Variants in PPARGC1A observed in about 807,000 individuals in gnomAD.
PPARGC1A encodes peroxisome proliferator-activated receptor gamma coactivator 1-alpha.
PPARGC1A carries 25 observed loss-of-function variants against 88.7 expected under a neutral mutation model. The observed-to-expected ratio is 0.28, with a 90% confidence interval of 0.21 to 0.39. The LOEUF (loss-of-function observed/expected upper bound fraction) is 0.39. Among genes scored for constraint, PPARGC1A ranks in the 10% least tolerant of loss-of-function variants. PPARGC1A has a pLI of 1.00. For missense variants in PPARGC1A, 880 were observed against 968.7 expected (o/e 0.91, Z 1.22); for synonymous variants, 363 against 355.6 (o/e 1.02, Z -0.24).
chr4:24,398,196 G>C, the PPARGC1A span, among the ~76,000 whole-genome samples: 2 of 152,098 alleles, frequency 1.3e-5, no homozygotes, highest in African/African-American at 4.8e-5. Context: ...TAGAAAAAAA[G>C]ATAGCATATA....
chr4:24,003,462 G>C, the PPARGC1A span, among the ~76,000 whole-genome samples: 36,341 of 152,120 alleles, frequency 0.24, 4,431 homozygotes, highest in Middle Eastern at 0.29. Context: ...TTGAGGAAGA[G>C]GGCTAGATGT....
chr4:24,309,119 G>A, the PPARGC1A span, among the ~76,000 whole-genome samples: 1 of 150,420 alleles, frequency 6.6e-6, no homozygotes, highest in Non-Finnish European at 1.5e-5. Flanking sequence ...CTTTTCACAA[G>A]GTTCATATTT....
the PPARGC1A span, among the ~76,000 whole-genome samples, chr4:24,297,341 T>C: frequency 6.6e-6 from 1 of 152,100 alleles, no homozygotes; most frequent in African/African-American, 2.4e-5. Flanking sequence ...ATAAAGTCCA[T>C]ACTCTGAACC....
the PPARGC1A span, among the ~76,000 whole-genome samples, chr4:24,350,916 G>C: frequency 6.6e-6 from 1 of 152,090 alleles, no homozygotes; most frequent in Non-Finnish European, 1.5e-5. Context: ...GATCACTTGA[G>C]GCCAAGAGTT....
the PPARGC1A span, among the ~76,000 whole-genome samples, chr4:23,989,011 A>G: frequency 2.7e-5 from 4 of 149,424 alleles, no homozygotes; most frequent in African/African-American, 7.3e-5. Context: ...ATATATACAT[A>G]TAATAGTATA....
At chr4:23,888,901 C>T in intron 1 of PPARGC1A, 3 of 976,942 alleles carry the variant, frequency 3.1e-6, no homozygotes, top group Non-Finnish European at 3.6e-6. Context: ...TTGTTAGCAG[C>T]TGGGATCCTC....
At chr4:24,349,082 G>A in the PPARGC1A span, among the ~76,000 whole-genome samples, 1 of 152,190 alleles carries the variant, frequency 6.6e-6, no homozygotes, top group Non-Finnish European at 1.5e-5. Flanking sequence ...TCTGGGTCTA[G>A]CCATCCAGCG....
At chr4:24,046,324 A>C in the PPARGC1A span, among the ~76,000 whole-genome samples, 1 of 152,052 alleles carries the variant, frequency 6.6e-6, no homozygotes, top group East Asian at 1.9e-4. Flanking sequence ...TAGTTGTTGA[A>C]CCTTCTCTGT....
At chr4:24,287,998 T>C in the PPARGC1A span, among the ~76,000 whole-genome samples, 2 of 151,906 alleles carry the variant, frequency 1.3e-5, 1 homozygote, top group African/African-American at 4.8e-5. Context: ...CCTCTCTCCC[T>C]CCCCCTCACC....
At chr4:24,281,629 T>C in the PPARGC1A span, among the ~76,000 whole-genome samples, 1 of 152,202 alleles carries the variant, frequency 6.6e-6, no homozygotes, top group African/African-American at 2.4e-5. Context: ...AAAACCGAAA[T>C]CATAACACTA....
chr4:24,067,562 G>A, the PPARGC1A span, among the ~76,000 whole-genome samples: 1 of 152,274 alleles, frequency 6.6e-6, no homozygotes, highest in East Asian at 1.9e-4. Context: ...ATCACTAAAG[G>A]TCAAAATGCA....
the PPARGC1A span, among the ~76,000 whole-genome samples, chr4:24,300,615 C>T: frequency 1.3e-5 from 2 of 151,902 alleles, no homozygotes; most frequent in South Asian, 2.1e-4. Context: ...TGACAGAGAA[C>T]ATCTACCTAG....
At chr4:24,278,980 A>G in the PPARGC1A span, among the ~76,000 whole-genome samples, 1 of 150,490 alleles carries the variant, frequency 6.6e-6, no homozygotes, top group East Asian at 2.0e-4. Flanking sequence ...CAGCAAAAAT[A>G]CTAAATAGAA....
At chr4:24,245,962 T>TACACAC in the PPARGC1A span, among the ~76,000 whole-genome samples, 494 of 123,996 alleles carry the variant, frequency 4.0e-3, 1 homozygote, top group Middle Eastern at 0.021. Context: ...CACACACACT[T>TACACAC]ATGCTTGGTC....
chr4:23,958,629 A>T, the PPARGC1A span, among the ~76,000 whole-genome samples: 4 of 152,142 alleles, frequency 2.6e-5, no homozygotes, highest in Non-Finnish European at 5.9e-5. Flanking sequence ...ATCAATACAT[A>T]CCTATGTTTG....
the PPARGC1A span, among the ~76,000 whole-genome samples, chr4:24,113,679 G>C: frequency 6.6e-6 from 1 of 152,090 alleles, no homozygotes; most frequent in African/African-American, 2.4e-5. Context: ...CTCTTCTATG[G>C]GAAAAATAAA....
chr4:23,813,022 T>C lies in PPARGC1A; in HGVS notation c.1897A>G (p.Arg633Gly), dbSNP rs557005829. 6.2e-7 allele frequency: 1 copy of C among 1,613,934 alleles called. No homozygotes were observed. The highest frequency in any genetic ancestry group is 8.5e-7 in the Non-Finnish European group (1 of 1,179,876). The part of the protein sequence containing the change: ...RSRSPYSRRP[R>G]YDSYEEYQHE... ...AAGGAAAATGACATGCCTCATTACC[T>C]GGGCCGACGGCTGTAGGGCGATCTT... The change falls in exon 9 of 13, where the codon AGG (arginine) becomes GGG (glycine). Residue 633 changes from arginine to glycine, a missense_variant and splice_region_variant. Transcript: ENST00000264867.
chr4:24,144,634 G>A, the PPARGC1A span, among the ~76,000 whole-genome samples: 1 of 151,066 alleles, frequency 6.6e-6, no homozygotes, highest in Admixed American at 6.6e-5. Flanking sequence ...CCAGCGCAGA[G>A]AGGGAGCCAC....
the PPARGC1A span, among the ~76,000 whole-genome samples, chr4:24,351,738 G>A: frequency 1.3e-5 from 2 of 151,952 alleles, no homozygotes; most frequent in African/African-American, 4.8e-5. Flanking sequence ...AAGCCGTCAT[G>A]GTACAGAAAC....
Sources: gnomAD v4.1 joint callset for allele counts (sites outside exome capture counted in the v4.1 genomes callset) on GRCh38, gnomAD v4.1.1 for gene constraint, MANE v1.5 for transcripts, NCBI Gene and HGNC (gene_info 2026-07-23, HGNC 2026-07-21) for gene names.